Variants in SORCS1 observed in about 807,000 individuals in gnomAD.
The protein encoded by SORCS1 is VPS10 domain-containing receptor SorCS1.
SORCS1 carries 60 observed loss-of-function variants against 146.1 expected under a neutral mutation model. That is an observed-to-expected ratio of 0.41 (90% CI 0.33 to 0.51). The LOEUF (loss-of-function observed/expected upper bound fraction) is 0.51. SORCS1 is among the 20% of genes least tolerant of loss of function. The pLI, the probability that SORCS1 is intolerant of heterozygous loss-of-function variation, is 0.21. For synonymous variants in SORCS1, 637 were observed against 584.0 expected (o/e 1.09, Z -1.31); for missense variants, 1,352 against 1,487.6 (o/e 0.91, Z 1.50).
chr10:106,625,200 CTGTGTGTG>C (rs3044907), intron 19 of SORCS1, among the ~76,000 whole-genome samples: 10,863 of 140,094 alleles, frequency 0.078, 756 homozygotes, highest in African/African-American at 0.19. Flanking sequence ...TTGTGTGATT[CTGTGTGTG>C]TGTGTGTGTG....
intron 23 of SORCS1, 110 bp from the exon 24 acceptor site, chr10:106,597,560 G>T: frequency 1.3e-6 from 1 of 757,318 alleles, no homozygotes. Context: ...TTATACCCGT[G>T]AGTTATATAA....
chr10:107,082,751 A>G (rs1048715906), intron 1 of SORCS1, among the ~76,000 whole-genome samples: 1 of 152,170 alleles, frequency 6.6e-6, no homozygotes, highest in Non-Finnish European at 1.5e-5. Flanking sequence ...TGCTGGGATT[A>G]CAGGTGTAAG....
chr10:107,078,959 C>T (rs1487914820), intron 1 of SORCS1, among the ~76,000 whole-genome samples: 1 of 150,190 alleles, frequency 6.7e-6, no homozygotes, highest in Admixed American at 6.6e-5. Context: ...GGCACGGTGG[C>T]TCAGGCCTGT....
At chr10:107,024,442 AT>A (rs1327116565) in intron 1 of SORCS1, among the ~76,000 whole-genome samples, 1 of 152,164 alleles carries the variant, frequency 6.6e-6, no homozygotes, top group Non-Finnish European at 1.5e-5. Context: ...GCATCAAGAC[AT>A]TCACAAGGAA....
intron 6 of SORCS1, among the ~76,000 whole-genome samples, chr10:106,724,104 A>T (rs1008095315): frequency 4.6e-5 from 7 of 152,208 alleles, no homozygotes; most frequent in African/African-American, 1.7e-4. Flanking sequence ...ATGATATAAA[A>T]ATTTCTGTGA....
At chr10:106,746,243 T>C (rs569142239) in intron 5 of SORCS1, among the ~76,000 whole-genome samples, 21 of 152,244 alleles carry the variant, frequency 1.4e-4, no homozygotes, top group Non-Finnish European at 2.5e-4. Flanking sequence ...TAATTTTTTA[T>C]TGGTAAACAT....
intron 2 of SORCS1, among the ~76,000 whole-genome samples, chr10:106,840,764 C>T (rs1564720767): frequency 6.6e-6 from 1 of 150,930 alleles, no homozygotes; most frequent in African/African-American, 2.4e-5. Context: ...CAGCAAATAT[C>T]AAGGCAAGAC....
intron 3 of SORCS1, among the ~76,000 whole-genome samples, chr10:106,807,233 C>T (rs540390679): frequency 1.3e-5 from 2 of 152,242 alleles, no homozygotes; most frequent in South Asian, 2.1e-4. Flanking sequence ...GAATCTCAGT[C>T]GGAGAGTGCA....
intron 23 of SORCS1, among the ~76,000 whole-genome samples, chr10:106,605,214 C>T (rs1181205577): frequency 1.3e-5 from 2 of 152,102 alleles, no homozygotes; most frequent in African/African-American, 4.8e-5. Context: ...CAGGAAACAC[C>T]CAGAAGAGAC....
intron 2 of SORCS1, among the ~76,000 whole-genome samples, chr10:106,864,962 A>G (rs1463613296): frequency 6.7e-6 from 1 of 149,284 alleles, no homozygotes; most frequent in Non-Finnish European, 1.5e-5. Context: ...AGTGGTGTTC[A>G]CTGGCCAACA....
At chr10:106,880,123 T>C (rs1229732087) in intron 2 of SORCS1, among the ~76,000 whole-genome samples, 1 of 152,216 alleles carries the variant, frequency 6.6e-6, no homozygotes, top group Non-Finnish European at 1.5e-5. Context: ...GTGTTCACAG[T>C]ATCATTATTT....
chr10:106,958,262 T>C (rs1390968321), intron 1 of SORCS1, among the ~76,000 whole-genome samples: 5 of 152,326 alleles, frequency 3.3e-5, no homozygotes, highest in Admixed American at 3.3e-4. Flanking sequence ...CTGGTACTCA[T>C]AACCTAGAAC....
Position 106,672,959 on chromosome 10 carries a change from G to C in SORCS1, c.1967C>G (p.Ser656Cys). The change falls in exon 15 of 26, where the codon TCT (serine) becomes TGT (cysteine). Residue 656 changes from serine (S) to cysteine (C), a missense_variant. Physicochemically the swap from Ser to Cys is moderately radical, Grantham distance 112. Around this residue, in one of 3 missense-constraint regions of SORCS1, gnomAD observed 648 missense variants for 793.8 expected, o/e 0.82. Coordinates refer to ENST00000263054, the MANE Select transcript of SORCS1 (RefSeq NM_052918.5). ...ATCTACTTTGACCAGCTGCCATTCA[G>C]AGCGGTGGCTGAAGTGTCCAAACAC... Reference protein sequence around the residue: ...MTVFGHFSHRSEWQLVKVDYK... With the variant: ...MTVFGHFSHRCEWQLVKVDYK... 1.2e-6 allele frequency: 2 copies of C among 1,614,026 alleles called. No homozygotes were observed. Among genetic ancestry groups the C allele is most frequent in the Non-Finnish European group, 1.7e-6 (2 of 1,179,984 alleles).
intron 1 of SORCS1, among the ~76,000 whole-genome samples, chr10:107,111,915 G>A (rs1965725601): frequency 6.6e-6 from 1 of 152,052 alleles, no homozygotes; most frequent in African/African-American, 2.4e-5. Flanking sequence ...AATGGAGTAA[G>A]GTAATATATT....
chr10:106,739,053 T>C (rs2756253), intron 5 of SORCS1, among the ~76,000 whole-genome samples: 119,205 of 152,130 alleles, frequency 0.78, 47,557 homozygotes, highest in Non-Finnish European at 0.87. Flanking sequence ...CTATGGATGA[T>C]CAGAAAGGTT....
chr10:106,666,536 T>C (rs902939026), intron 17 of SORCS1, among the ~76,000 whole-genome samples: 15 of 151,890 alleles, frequency 9.9e-5, no homozygotes, highest in Non-Finnish European at 2.2e-4. Context: ...GAGCCAATTC[T>C]TTACAATAAA....
intron 3 of SORCS1, among the ~76,000 whole-genome samples, chr10:106,818,085 A>T (rs1475342732): frequency 6.6e-6 from 1 of 152,246 alleles, no homozygotes; most frequent in East Asian, 1.9e-4. Flanking sequence ...TTATGCTTGC[A>T]GAGAACAAGG....
intron 4 of SORCS1, among the ~76,000 whole-genome samples, chr10:106,762,394 T>TC (rs1226493131): frequency 1.2e-4 from 15 of 127,998 alleles, no homozygotes; most frequent in Admixed American, 1.1e-3. Flanking sequence ...TTCTTTTTTT[T>TC]TTTTTTTTTT....
intron 20 of SORCS1, 48 bp downstream of exon 20, chr10:106,620,380 C>A: frequency 6.3e-7 from 1 of 1,578,282 alleles, no homozygotes; most frequent in South Asian, 1.2e-5. Flanking sequence ...CTTCAGGCAG[C>A]GTGAATTGAG....
Sources: gnomAD v4.1 joint callset for allele counts (sites outside exome capture counted in the v4.1 genomes callset) on GRCh38, gnomAD v4.1.1 for gene constraint, gnomAD v4.1.1 regional missense constraint, MANE v1.5 for transcripts, NCBI Gene and HGNC (gene_info 2026-07-23, HGNC 2026-07-21) for gene names.